BRINP3: variants seen among roughly 807,000 people sequenced by gnomAD.
BRINP3 encodes BMP/retinoic acid inducible neural specific 3, also known as BMP/retinoic acid-inducible neural-specific protein 3.
BRINP3 carries 19 observed loss-of-function variants against 71.0 expected under a neutral mutation model. The ratio of observed to expected loss-of-function variants is 0.27; its 90% CI spans 0.19 to 0.39. BRINP3 has a LOEUF of 0.39. Ranked by LOEUF, BRINP3 falls within the 10% of genes least tolerant of loss-of-function variation. The pLI, the probability that BRINP3 is intolerant of heterozygous loss-of-function variation, is 1.00. For missense variants in BRINP3, 959 were observed against 940.8 expected (o/e 1.02, Z -0.25); for synonymous variants, 380 against 337.7 (o/e 1.13, Z -1.37).
At chr1:190,385,251 G>A (rs1482425484) in intron 2 of BRINP3, among the ~76,000 whole-genome samples, 6 of 152,188 alleles carry the variant, frequency 3.9e-5, no homozygotes, top group South Asian at 4.1e-4. Context: ...AAACTAAAGA[G>A]CTTCTGCACA....
chr1:190,166,773 G>C (rs766641051), intron 6 of BRINP3, among the ~76,000 whole-genome samples: 1 of 152,020 alleles, frequency 6.6e-6, no homozygotes, highest in Non-Finnish European at 1.5e-5. Context: ...ACTCAGGCTG[G>C]AGTCCAGTGG....
chr1:190,439,067 C>G (rs1674649384), intron 2 of BRINP3, among the ~76,000 whole-genome samples: 1 of 151,778 alleles, frequency 6.6e-6, no homozygotes. Context: ...ATGTCATTTT[C>G]AGAGTTGTGT....
chr1:190,407,741 C>T (rs924476362), intron 2 of BRINP3, among the ~76,000 whole-genome samples: 1 of 151,848 alleles, frequency 6.6e-6, no homozygotes, highest in Non-Finnish European at 1.5e-5. Flanking sequence ...AAATATTGTA[C>T]CTAATAACTT....
At chr1:190,468,411 A>AT (rs1281493544) in intron 1 of BRINP3, among the ~76,000 whole-genome samples, 3 of 151,264 alleles carry the variant, frequency 2.0e-5, no homozygotes, top group Non-Finnish European at 4.5e-5. Context: ...GTGATCTTTC[A>AT]TTTTTATTCT....
intron 6 of BRINP3, among the ~76,000 whole-genome samples, chr1:190,165,448 T>TG (rs1297871456): frequency 2.9e-5 from 3 of 103,500 alleles, no homozygotes; most frequent in African/African-American, 7.8e-5. Context: ...TGGCTGTTTT[T>TG]TTTTTTTTTT....
chr1:190,209,014 T>C (rs1655757294), intron 6 of BRINP3, among the ~76,000 whole-genome samples: 1 of 152,118 alleles, frequency 6.6e-6, no homozygotes, highest in Non-Finnish European at 1.5e-5. Context: ...TTCATTACAG[T>C]TTCATTAAAC....
At position 190,222,316 on chromosome 1, in the gene BRINP3, A is replaced by G. The variant is rs530017856; in HGVS notation, c.961+3766T>C. 1.8e-3 allele frequency among the ~76,000 whole-genome samples: 271 copies of G among 152,106 alleles called. 1 individual carries two copies. The highest frequency in any genetic ancestry group is 3.4e-3 in the Middle Eastern group (1 of 294). On this transcript the variant is annotated intron_variant, in intron 6 of 7. Transcript: ENST00000367462. Reference sequence around the variant, plus strand: ...AATAAAACATCCTACTGGACAGCTAATGAGTCAATTAAAAAAATAAGAAGG... The same window carrying G: ...AATAAAACATCCTACTGGACAGCTAGTGAGTCAATTAAAAAAATAAGAAGG...
At chr1:190,336,446 G>C (rs1019814499) in intron 2 of BRINP3, among the ~76,000 whole-genome samples, 8 of 151,850 alleles carry the variant, frequency 5.3e-5, no homozygotes, top group Non-Finnish European at 7.4e-5. Context: ...AACATCAAAA[G>C]AATTAAAATA....
At chr1:190,444,239 CAAAAAAAAAAAAAAAAAA>C (rs764014934) in intron 2 of BRINP3, among the ~76,000 whole-genome samples, 8 of 56,310 alleles carry the variant, frequency 1.4e-4, no homozygotes, top group African/African-American at 4.1e-4. Flanking sequence ...AACTCCGTCT[CAAAAAAAAAAAAAAAAAA>C]AAAAAAAAAA....
chr1:190,288,603 T>TA (rs1309452992), intron 2 of BRINP3, among the ~76,000 whole-genome samples: 4 of 151,914 alleles, frequency 2.6e-5, no homozygotes, highest in Non-Finnish European at 4.4e-5. Flanking sequence ...ATAAAACTGA[T>TA]ACAGGAGACA....
intron 2 of BRINP3, among the ~76,000 whole-genome samples, chr1:190,287,771 G>A (rs1663546641): frequency 6.6e-6 from 1 of 152,096 alleles, no homozygotes; most frequent in Non-Finnish European, 1.5e-5. Flanking sequence ...AAAGATGAAG[G>A]TGGGGCTATT....
intron 2 of BRINP3, among the ~76,000 whole-genome samples, chr1:190,347,856 T>A (rs1422755611): frequency 6.6e-6 from 1 of 152,112 alleles, no homozygotes; most frequent in Non-Finnish European, 1.5e-5. Flanking sequence ...AACATAAACA[T>A]GTAAAAATGT....
chr1:190,385,887 A>C (rs549892336), intron 2 of BRINP3, among the ~76,000 whole-genome samples: 3,074 of 147,346 alleles, frequency 0.021, 96 homozygotes, highest in African/African-American at 0.072. Flanking sequence ...TACACCATGG[A>C]ATACTATGCA....
chr1:190,230,228 A>C (rs1016420737), intron 5 of BRINP3, among the ~76,000 whole-genome samples: 1 of 151,984 alleles, frequency 6.6e-6, no homozygotes, highest in African/African-American at 2.4e-5. Flanking sequence ...AGAGGAAAGA[A>C]AGGAAATAAA....
chr1:190,182,472 G>A (rs967331434), intron 6 of BRINP3, among the ~76,000 whole-genome samples: 15 of 151,984 alleles, frequency 9.9e-5, no homozygotes, highest in African/African-American at 3.6e-4. Flanking sequence ...CTTCTGTTGA[G>A]CTTATCCTTT....
At chr1:190,369,202 C>T (rs898846550) in intron 2 of BRINP3, among the ~76,000 whole-genome samples, 2 of 152,020 alleles carry the variant, frequency 1.3e-5, no homozygotes, top group East Asian at 3.9e-4. Flanking sequence ...GATTAAATAT[C>T]TTTTGTTGTT....
intron 4 of BRINP3, among the ~76,000 whole-genome samples, chr1:190,246,301 T>A (rs1659604032): frequency 6.6e-6 from 1 of 152,016 alleles, no homozygotes; most frequent in Non-Finnish European, 1.5e-5. Flanking sequence ...CCAGAGGAAC[T>A]TTGTACCTTC....
intron 2 of BRINP3, among the ~76,000 whole-genome samples, chr1:190,405,406 A>G (rs1470299889): frequency 1.5e-5 from 2 of 131,984 alleles, no homozygotes; most frequent in South Asian, 5.2e-4. Context: ...AGCTGAGATA[A>G]TGCCACTGCA....
intron 7 of BRINP3, among the ~76,000 whole-genome samples, chr1:190,142,695 G>A (rs879871792): frequency 6.6e-5 from 10 of 151,232 alleles, no homozygotes; most frequent in Non-Finnish European, 1.5e-5. Context: ...TAACCTATCA[G>A]AAATATTTTT....
Sources: gnomAD v4.1 joint callset for allele counts (sites outside exome capture counted in the v4.1 genomes callset) on GRCh38, gnomAD v4.1.1 for gene constraint, MANE v1.5 for transcripts, NCBI Gene and HGNC (gene_info 2026-07-23, HGNC 2026-07-21) for gene names.